MAGI1: variants seen among roughly 807,000 people sequenced by gnomAD.
The protein encoded by MAGI1 is membrane-associated guanylate kinase, WW and PDZ domain-containing protein 1.
Under a neutral mutation model 139.9 loss-of-function variants are expected in MAGI1, and 58 were observed. The observed-to-expected ratio is 0.41, with a 90% CI of 0.34 to 0.52. The LOEUF (loss-of-function observed/expected upper bound fraction) is 0.52. Ranked by LOEUF, MAGI1 falls within the 20% of genes least tolerant of loss-of-function variation. The pLI is 0.12. For missense variants in MAGI1, 1,874 were observed against 1,901.6 expected (o/e 0.99, Z 0.27); for synonymous variants, 812 against 737.9 (o/e 1.10, Z -1.63).
At chr3:65,570,509 G>A (rs938583480) in intron 2 of MAGI1, among the ~76,000 whole-genome samples, 4 of 151,964 alleles carry the variant, frequency 2.6e-5, no homozygotes, top group African/African-American at 4.8e-5. Flanking sequence ...TTGCACTAAA[G>A]TATAAAGAAT....
chr3:65,718,883 T>C (rs563838161), intron 1 of MAGI1, among the ~76,000 whole-genome samples: 16 of 152,024 alleles, frequency 1.1e-4, no homozygotes, highest in Non-Finnish European at 2.2e-4. Flanking sequence ...TTTCCTTCTT[T>C]TGTTTCCTTC....
At chr3:65,530,838 T>TATATATATATATAC (rs1559643305) in intron 2 of MAGI1, among the ~76,000 whole-genome samples, 1 of 94,658 alleles carries the variant, frequency 1.1e-5, no homozygotes, top group East Asian at 2.9e-4. Context: ...TATATATATA[T>TATATATATATATAC]ACACACACAC....
intron 1 of MAGI1, among the ~76,000 whole-genome samples, chr3:65,853,466 C>T (rs972759279): frequency 1.3e-5 from 2 of 152,080 alleles, no homozygotes; most frequent in African/African-American, 4.8e-5. Flanking sequence ...GAGTTCCATC[C>T]CTCAAATGTT....
At chr3:65,631,857 C>G (rs937843653) in intron 1 of MAGI1, among the ~76,000 whole-genome samples, 1 of 151,966 alleles carries the variant, frequency 6.6e-6, no homozygotes, top group Admixed American at 6.6e-5. Flanking sequence ...AACCCCACCT[C>G]TACCAAAAAC....
chr3:65,518,459 C>G (rs116612455), intron 2 of MAGI1, among the ~76,000 whole-genome samples: 101 of 152,228 alleles, frequency 6.6e-4, no homozygotes, highest in African/African-American at 2.4e-3. Context: ...GGCTTAACTT[C>G]ACGAGAAAAT....
chr3:65,913,811 A>G (rs2061775491), intron 1 of MAGI1, among the ~76,000 whole-genome samples: 1 of 152,222 alleles, frequency 6.6e-6, no homozygotes, highest in Non-Finnish European at 1.5e-5. Flanking sequence ...AACATATCGT[A>G]TTTTTTGAAG....
rs531521984 is a variant in MAGI1, at chr3:65,617,093, T to A, written c.430+4879A>T. 2.6e-5 allele frequency among the ~76,000 whole-genome samples: 4 copies of A among 152,326 alleles called. No individual in the cohort carries two copies. In the South Asian group the frequency reaches 8.3e-4, roughly 32 times the overall value. On this transcript the variant is annotated intron_variant, in intron 2 of 22. Transcript: ENST00000402939. The stretch of plus-strand genomic sequence containing the variant: ...ACCAGTATCACCTATGTTTACCACA[T>A]CAAATTTAAATTGCCTTGTAGATCA...
At chr3:65,998,243 C>T (rs1041641515) in intron 1 of MAGI1, among the ~76,000 whole-genome samples, 1 of 152,062 alleles carries the variant, frequency 6.6e-6, no homozygotes, top group African/African-American at 2.4e-5. Flanking sequence ...GCTGAAATGA[C>T]AGTGTGTCAT....
intron 13 of MAGI1, among the ~76,000 whole-genome samples, chr3:65,396,936 C>G (rs2107062969): frequency 6.6e-6 from 1 of 152,274 alleles, no homozygotes; most frequent in South Asian, 2.1e-4. Flanking sequence ...AAGGCAGGCA[C>G]TGACTGGATA....
At chr3:65,496,094 T>TGC (rs1952421364) in intron 2 of MAGI1, among the ~76,000 whole-genome samples, 1 of 152,102 alleles carries the variant, frequency 6.6e-6, no homozygotes, top group Non-Finnish European at 1.5e-5. Context: ...CAGGCTGGAG[T>TGC]GCACTGGAGG....
At chr3:65,510,821 T>A (rs1183529867) in intron 2 of MAGI1, among the ~76,000 whole-genome samples, 1 of 144,360 alleles carries the variant, frequency 6.9e-6, no homozygotes, top group African/African-American at 2.6e-5. Context: ...AAGATACTCC[T>A]CGAGAAGAGC....
chr3:65,848,897 G>C lies in MAGI1; in HGVS notation c.313+189099C>G, dbSNP rs573724717. Among the ~76,000 whole-genome samples the C allele has an allele frequency of 1.1e-4, 17 of 151,162 alleles. No homozygotes were observed. The East Asian group carries it at 3.2e-3, about 28-fold the overall frequency. On this transcript the variant is annotated intron_variant, in intron 1 of 22. Transcript: ENST00000402939. The stretch of plus-strand genomic sequence containing the variant: ...TCCTGGCTTACTGATTTGTGAGTGA[G>C]TGGGGCCATGTGATTGGTTCTAGCC...
At chr3:65,951,024 GA>G (rs1560047240) in intron 1 of MAGI1, among the ~76,000 whole-genome samples, 5 of 100,818 alleles carry the variant, frequency 5.0e-5, no homozygotes, top group African/African-American at 1.5e-4. Context: ...AGGAAGGAAG[GA>G]AGGAAGGAAG....
At chr3:65,430,201 TATA>T in intron 11 of MAGI1, 61 bp from the exon 12 acceptor site, 2 of 1,533,074 alleles carry the variant, frequency 1.3e-6, no homozygotes, top group Admixed American at 1.7e-5. Context: ...TCATCAGTAT[TATA>T]ATATCTCCCA....
At chr3:65,687,697 G>T (rs1283702758) in intron 1 of MAGI1, 6 of 519,892 alleles carry the variant, frequency 1.2e-5, no homozygotes, top group Non-Finnish European at 2.3e-5. Flanking sequence ...AAGGCTGGAA[G>T]CTGTTGCTGC....
intron 4 of MAGI1, among the ~76,000 whole-genome samples, chr3:65,477,453 T>C (rs1950956283): frequency 6.6e-6 from 1 of 152,130 alleles, no homozygotes; most frequent in South Asian, 2.1e-4. Context: ...GATAATCTCA[T>C]ATGTTGAAAA....
chr3:65,448,212 T>G (rs1393137752), intron 6 of MAGI1, 155 bp from the exon 7 acceptor site: 5 of 711,742 alleles, frequency 7.0e-6, no homozygotes, highest in African/African-American at 3.5e-5. Flanking sequence ...TTGGCTTGGA[T>G]AGTAAACTTG....
At chr3:65,728,537 G>C (rs1191371554) in intron 1 of MAGI1, among the ~76,000 whole-genome samples, 1 of 152,132 alleles carries the variant, frequency 6.6e-6, no homozygotes, top group African/African-American at 2.4e-5. Flanking sequence ...CCTAAACATG[G>C]TAAGTTACTT....
chr3:65,651,947 G>A (rs896797686), intron 1 of MAGI1, among the ~76,000 whole-genome samples: 6 of 151,962 alleles, frequency 3.9e-5, no homozygotes, highest in East Asian at 1.9e-4. Context: ...ATCTAAAAAC[G>A]TATCTTCTCT....
Sources: gnomAD v4.1 joint callset for allele counts (sites outside exome capture counted in the v4.1 genomes callset) on GRCh38, gnomAD v4.1.1 for gene constraint, MANE v1.5 for transcripts, NCBI Gene and HGNC (gene_info 2026-07-23, HGNC 2026-07-21) for gene names.